SLC9A9: variants seen among roughly 807,000 people sequenced by gnomAD.
SLC9A9 encodes the protein sodium/hydrogen exchanger 9.
A neutral mutation model predicts 77.8 loss-of-function variants in SLC9A9; 62 were observed. The ratio of observed to expected loss-of-function variants is 0.80; its 90% CI spans 0.65 to 0.98. The LOEUF (loss-of-function observed/expected upper bound fraction) is 0.98, where lower values mean the gene tolerates loss of function less well. Ranked by LOEUF, SLC9A9 falls within the 50% of genes least tolerant of loss-of-function variation. The probability of loss-of-function intolerance (pLI) is 0.00; values close to 1 mark genes in which losing one functional copy is unlikely to be tolerated. For missense variants in SLC9A9, 775 were observed against 774.9 expected (o/e 1.00, Z 0.00); for synonymous variants, 320 against 283.5 (o/e 1.13, Z -1.29).
chr3:143,745,496 C>A (rs539936616), intron 4 of SLC9A9, among the ~76,000 whole-genome samples: 1 of 152,322 alleles, frequency 6.6e-6, no homozygotes, highest in Non-Finnish European at 1.5e-5. Flanking sequence ...AAGAACAGAA[C>A]ACTAAAATCA....
At chr3:143,540,639 C>T (rs1241803506) in intron 9 of SLC9A9, among the ~76,000 whole-genome samples, 1 of 152,164 alleles carries the variant, frequency 6.6e-6, no homozygotes, top group African/African-American at 2.4e-5. Context: ...GGGGAAAATA[C>T]ATGCATGCAA....
At chr3:143,446,672 T>C (rs1220369280) in intron 12 of SLC9A9, among the ~76,000 whole-genome samples, 1 of 152,166 alleles carries the variant, frequency 6.6e-6, no homozygotes, top group Non-Finnish European at 1.5e-5. Context: ...GGGTGTGATC[T>C]ATCAGGATGG....
Position 143,721,071 on chromosome 3 carries a change from G to A in SLC9A9, c.534-27764C>T, listed in dbSNP as rs375779117. Among the ~76,000 whole-genome samples, 40 of 152,284 alleles carry A rather than the reference G, an allele frequency of 2.6e-4. 1 individual carries two copies. In the South Asian group the frequency reaches 5.0e-3, roughly 19 times the overall value. On this transcript the variant is annotated intron_variant, in intron 4 of 15. Transcript: ENST00000316549. ...AGAAAATAGAAAAAATTAGCCAAGTGTGGTGGTACATTAGTAAATGCCTGT... is the reference window on the plus strand; with the variant it reads ...AGAAAATAGAAAAAATTAGCCAAGTATGGTGGTACATTAGTAAATGCCTGT...
At chr3:143,287,180 A>C (rs1294440995) in intron 14 of SLC9A9, among the ~76,000 whole-genome samples, 4 of 152,100 alleles carry the variant, frequency 2.6e-5, no homozygotes, top group Non-Finnish European at 5.9e-5. Context: ...AATGCTCAGC[A>C]AGACAGCTCA....
intron 9 of SLC9A9, among the ~76,000 whole-genome samples, chr3:143,513,639 G>A (rs1326519925): frequency 6.6e-6 from 1 of 152,062 alleles, no homozygotes; most frequent in Admixed American, 6.5e-5. Flanking sequence ...ATCCATCAGA[G>A]GAATCACTTT....
chr3:143,334,018 A>G (rs759606199), intron 14 of SLC9A9, among the ~76,000 whole-genome samples: 15 of 152,200 alleles, frequency 9.9e-5, no homozygotes, highest in Non-Finnish European at 1.9e-4. Context: ...TTAATTTTGT[A>G]TTTGAAAAAA....
chr3:143,397,904 T>C (rs142357347), intron 12 of SLC9A9, among the ~76,000 whole-genome samples: 12 of 152,312 alleles, frequency 7.9e-5, no homozygotes, highest in African/African-American at 2.9e-4. Context: ...ATTTAATATA[T>C]TTAAAGAACT....
chr3:143,454,662 T>A (rs2108559075), intron 12 of SLC9A9, among the ~76,000 whole-genome samples: 1 of 152,302 alleles, frequency 6.6e-6, no homozygotes, highest in South Asian at 2.1e-4. Flanking sequence ...GATTTTCTGA[T>A]TAGGATATCA....
At chr3:143,371,575 C>T (rs966980000) in intron 13 of SLC9A9, among the ~76,000 whole-genome samples, 1 of 152,038 alleles carries the variant, frequency 6.6e-6, no homozygotes, top group South Asian at 2.1e-4. Context: ...CTTGAAATGA[C>T]TCAGATGCTG....
At chr3:143,455,484 A>G (rs2035074879) in intron 12 of SLC9A9, among the ~76,000 whole-genome samples, 1 of 152,168 alleles carries the variant, frequency 6.6e-6, no homozygotes, top group African/African-American at 2.4e-5. Context: ...AATTGTATGA[A>G]ATCTCTGGAT....
At chr3:143,509,603 C>T (rs1210700588) in intron 9 of SLC9A9, among the ~76,000 whole-genome samples, 2 of 152,126 alleles carry the variant, frequency 1.3e-5, no homozygotes, top group African/African-American at 4.8e-5. Flanking sequence ...AAAGACCATG[C>T]ATGCATAAAA....
intron 4 of SLC9A9, among the ~76,000 whole-genome samples, chr3:143,748,779 C>G (rs1935262860): frequency 6.7e-6 from 1 of 149,060 alleles, no homozygotes; most frequent in African/African-American, 2.5e-5. Context: ...TCTCGGCTCA[C>G]TGCAAGCTCC....
At chr3:143,775,567 A>G (rs1386097686) in intron 4 of SLC9A9, among the ~76,000 whole-genome samples, 1 of 152,192 alleles carries the variant, frequency 6.6e-6, no homozygotes, top group East Asian at 1.9e-4. Flanking sequence ...ACCAGAGGGC[A>G]TAATATCAAA....
intron 14 of SLC9A9, among the ~76,000 whole-genome samples, chr3:143,287,101 T>TTG (rs3032423): frequency 0.079 from 11,807 of 149,138 alleles, 731 homozygotes; most frequent in African/African-American, 0.17. Flanking sequence ...CTGGTCCCAC[T>TTG]TGTGTGTGTG....
At chr3:143,272,266 C>A (rs1937918751) in intron 14 of SLC9A9, among the ~76,000 whole-genome samples, 1 of 152,140 alleles carries the variant, frequency 6.6e-6, no homozygotes, top group African/African-American at 2.4e-5. Flanking sequence ...GACAAGGCAC[C>A]CATACAAGGA....
At chr3:143,373,314 G>C (rs541706715) in intron 13 of SLC9A9, among the ~76,000 whole-genome samples, 1 of 152,284 alleles carries the variant, frequency 6.6e-6, no homozygotes, top group Admixed American at 6.5e-5. Context: ...CTCAGATTGA[G>C]TGAGAGGCCA....
chr3:143,631,816 A>T (rs1320429395), intron 6 of SLC9A9, among the ~76,000 whole-genome samples: 1 of 152,110 alleles, frequency 6.6e-6, no homozygotes, highest in Non-Finnish European at 1.5e-5. Flanking sequence ...AGTTCTCTTG[A>T]TTTTTTAAAA....
chr3:143,508,918 A>G (rs943141062), intron 9 of SLC9A9, among the ~76,000 whole-genome samples: 4 of 152,226 alleles, frequency 2.6e-5, no homozygotes, highest in African/African-American at 9.6e-5. Flanking sequence ...TCAACTTTAT[A>G]CTATATGTAA....
intron 4 of SLC9A9, among the ~76,000 whole-genome samples, chr3:143,747,387 A>G (rs112153148): frequency 0.043 from 6,347 of 147,768 alleles, 439 homozygotes; most frequent in African/African-American, 0.15. Flanking sequence ...CTGGGCAACA[A>G]GAGTGAAACT....
Sources: allele counts gnomAD v4.1 joint callset (sites outside exome capture counted in the v4.1 genomes callset), GRCh38; gene constraint gnomAD v4.1.1; transcripts MANE v1.5; gene names NCBI Gene and HGNC (gene_info 2026-07-23, HGNC 2026-07-21).